WDR25: variants seen among roughly 807,000 people sequenced by gnomAD.
WDR25 encodes WD repeat domain 25.
WDR25 carries 35 observed loss-of-function variants against 47.7 expected under a neutral mutation model. The observed-to-expected ratio is 0.73, with a 90% CI of 0.56 to 0.97. The LOEUF (loss-of-function observed/expected upper bound fraction) is 0.97. Among genes scored for constraint, WDR25 ranks in the 50% least tolerant of loss-of-function variants. The pLI is 0.00. For synonymous variants in WDR25, 248 were observed against 278.9 expected, an observed-to-expected ratio of 0.89 and a Z score of 1.10; for missense variants, 634 against 704.7, an observed-to-expected ratio of 0.90 and a Z score of 1.14.
intron 2 of WDR25, among the ~76,000 whole-genome samples, chr14:100,405,166 A>ATTTTTTTTTTTTTTTTTT (rs1285500586): frequency 2.7e-5 from 2 of 75,148 alleles, no homozygotes; most frequent in African/African-American, 1.0e-4. Flanking sequence ...TCTCTGCCCC[A>ATTTTTTTTTTTTTTTTTT]TCTTTTTTTT....
At chr14:100,441,643 G>C (rs1225376432) in intron 2 of WDR25, among the ~76,000 whole-genome samples, 1 of 152,156 alleles carries the variant, frequency 6.6e-6, no homozygotes, top group Non-Finnish European at 1.5e-5. Context: ...CTGCTTCCTA[G>C]CCTGCCTGCT....
chr14:100,469,358 GGCCCCTGCCACGT>G (rs1470976471), intron 3 of WDR25, among the ~76,000 whole-genome samples: 1 of 152,148 alleles, frequency 6.6e-6, no homozygotes, highest in African/African-American at 2.4e-5. Context: ...ATGGTCACAG[GGCCCCTGCCACGT>G]GCTATAGGCT....
At chr14:100,421,718 G>A (rs929997298) in intron 2 of WDR25, among the ~76,000 whole-genome samples, 5 of 152,120 alleles carry the variant, frequency 3.3e-5, no homozygotes, top group Non-Finnish European at 4.4e-5. Context: ...TGGTGGGCAT[G>A]CTTTTAAATG....
chr14:100,485,030 CT>C (rs1900335745), intron 4 of WDR25, among the ~76,000 whole-genome samples: 1 of 152,204 alleles, frequency 6.6e-6, no homozygotes, highest in African/African-American at 2.4e-5. Flanking sequence ...CCTCCTTGGC[CT>C]GGGGGTAGGT....
At position 100,500,980 on chromosome 14, in the gene WDR25, C is replaced by T. The variant is rs1217828580; in HGVS notation, c.1101+16856C>T. ...CACAGTCTTCAACATGACAGTTTCT[C>T]TGTGGGTATGTTTAGATTCAATTAG... On this transcript the variant is annotated intron_variant, in intron 4 of 6. Transcript: ENST00000402312. The surrounding 1 kb of genome is among the most constrained non-coding windows in gnomAD (Gnocchi z 4.7). Among the ~76,000 whole-genome samples the T allele has an allele frequency of 6.6e-6, 1 of 152,174 alleles. No individual in the cohort carries two copies. Among genetic ancestry groups the T allele is most frequent in the Non-Finnish European group, 1.5e-5 (1 of 68,036 alleles).
At chr14:100,446,813 G>C (rs1898849770) in intron 2 of WDR25, among the ~76,000 whole-genome samples, 1 of 152,140 alleles carries the variant, frequency 6.6e-6, no homozygotes, top group South Asian at 2.1e-4. Context: ...CTGTGGGCGT[G>C]GTTATGTCCT....
chr14:100,483,282 A>G (rs756754837), intron 3 of WDR25, among the ~76,000 whole-genome samples: 29 of 152,306 alleles, frequency 1.9e-4, no homozygotes, highest in Middle Eastern at 3.4e-3. Flanking sequence ...ATACGTATAT[A>G]TATGTACATA....
chr14:100,529,687 C>A lies in WDR25; in HGVS notation c.1414-133C>A. The stretch of plus-strand genomic sequence containing the variant: ...TCATGGGCGGGACCTGGGCTTTGGC[C>A]TCAGGGACACGAGGTGCGAAGCCCA... On this transcript the variant is annotated intron_variant, in intron 6 of 6. Transcript: ENST00000402312. This position sits in a 1 kb window ranked among gnomAD's most constrained non-coding sequence, Gnocchi z 5.1. 9.6e-7 allele frequency: 1 copy of A among 1,046,698 alleles called. No homozygotes were observed. Among genetic ancestry groups the A allele is most frequent in the Non-Finnish European group, 1.4e-6 (1 of 731,734 alleles). 64.8% of individuals were successfully genotyped at this position (1,046,698 alleles called of 1,614,324 possible).
chr14:100,396,590 C>T (rs1278997243), intron 2 of WDR25, among the ~76,000 whole-genome samples: 4 of 151,472 alleles, frequency 2.6e-5, no homozygotes, highest in Non-Finnish European at 5.9e-5. Flanking sequence ...CAAGAGAAGC[C>T]AACACAAGTG....
In WDR25 at chr14:100,381,156, C is replaced by A. The variant is rs1051450771; in HGVS notation, c.232C>A (p.Leu78Ile). The change falls in exon 2 of 7, where the codon CTT becomes ATT. Residue 78 changes from leucine to isoleucine, a missense_variant. Transcript: ENST00000402312. ...GSCEDPGGYR[L>I]PLAQLGRSDW... ...CTGTGAAGACCCAGGGGGCTATCGCCTTCCATTGGCTCAGCTTGGGAGAAG... is the reference window on the plus strand; with the variant it reads ...CTGTGAAGACCCAGGGGGCTATCGCATTCCATTGGCTCAGCTTGGGAGAAG... The A allele has an allele frequency of 1.9e-6, 3 of 1,614,112 alleles. No homozygotes were observed. The South Asian group carries it at 3.3e-5, about 18-fold the overall frequency.
chr14:100,393,724 A>T (rs1897193709), intron 2 of WDR25, among the ~76,000 whole-genome samples: 1 of 152,000 alleles, frequency 6.6e-6, no homozygotes, highest in Admixed American at 6.6e-5. Flanking sequence ...GGTGTAGTGC[A>T]GGTTGGAGCC....
chr14:100,382,200 G>C (rs1223772112), intron 2 of WDR25: 1 of 702,954 alleles, frequency 1.4e-6, no homozygotes, highest in Admixed American at 2.0e-5. Flanking sequence ...TGAGGCGGGA[G>C]CCGTGGACAA....
intron 2 of WDR25, among the ~76,000 whole-genome samples, chr14:100,389,275 A>G (rs1023213854): frequency 2.6e-5 from 4 of 152,182 alleles, no homozygotes; most frequent in African/African-American, 7.2e-5. Flanking sequence ...TTTTTTCCCT[A>G]CATATATCAA....
intron 2 of WDR25, among the ~76,000 whole-genome samples, chr14:100,412,426 A>G (rs939200775): frequency 6.6e-6 from 1 of 152,040 alleles, no homozygotes; most frequent in African/African-American, 2.4e-5. Context: ...AGTGGTGAAA[A>G]CACGGCTCTT....
chr14:100,451,036 T>C (rs1899013129), intron 2 of WDR25, among the ~76,000 whole-genome samples: 1 of 152,074 alleles, frequency 6.6e-6, no homozygotes, highest in Admixed American at 6.6e-5. Flanking sequence ...GCTGGGAGAC[T>C]AGAGGTGCCC....
chr14:100,524,238 CT>C (rs1049567712), intron 4 of WDR25, among the ~76,000 whole-genome samples: 5 of 141,800 alleles, frequency 3.5e-5, no homozygotes, highest in African/African-American at 1.3e-4. Flanking sequence ...GTCTCTGAGA[CT>C]TCATGCCCAC....
chr14:100,524,686 T>G lies in WDR25; in HGVS notation c.1102-1184T>G, dbSNP rs548995641. 2.6e-5 allele frequency among the ~76,000 whole-genome samples: 4 copies of G among 152,242 alleles called. No individual in the cohort carries two copies. In the East Asian group the frequency reaches 7.7e-4, roughly 29 times the overall value. On this transcript the variant is annotated intron_variant, in intron 4 of 6. Transcript: ENST00000402312. Reference sequence around the variant, plus strand: ...CCCCAGGAATTACAGAGGCAGGAATTGACCAGCAGGAGAATGAACCGTGGG... The same window carrying G: ...CCCCAGGAATTACAGAGGCAGGAATGGACCAGCAGGAGAATGAACCGTGGG...
chr14:100,403,329 A>G (rs1212245033), intron 2 of WDR25, among the ~76,000 whole-genome samples: 1 of 152,174 alleles, frequency 6.6e-6, no homozygotes, highest in Non-Finnish European at 1.5e-5. Context: ...AATTAGAATG[A>G]CCTGGCTGCC....
Position 100,523,548 on chromosome 14 carries a change from C to A in WDR25, c.1102-2322C>A, listed in dbSNP as rs1182633543. 6.6e-6 allele frequency among the ~76,000 whole-genome samples: 1 copy of A among 152,150 alleles called. No homozygotes were observed. The highest frequency in any genetic ancestry group is 6.5e-5 in the Admixed American group (1 of 15,284). The stretch of plus-strand genomic sequence containing the variant: ...AACTAGACCTAGGAAGGGAACGAAC[C>A]TTCCCCAGGCACATAGTAAATCTGT... On this transcript the variant is annotated intron_variant, in intron 4 of 6. Coordinates refer to ENST00000402312, the MANE Select transcript of WDR25 (RefSeq NM_001161476.3). This position sits in a 1 kb window ranked among gnomAD's most constrained non-coding sequence, Gnocchi z 4.7.
Sources: gnomAD v4.1 joint callset for allele counts (sites outside exome capture counted in the v4.1 genomes callset) on GRCh38, gnomAD v4.1.1 for gene constraint, Gnocchi (gnomAD v3.1) non-coding constraint, MANE v1.5 for transcripts, NCBI Gene and HGNC (gene_info 2026-07-23, HGNC 2026-07-21) for gene names.